Variants in ABCB11 observed in about 807,000 individuals in gnomAD.
ABCB11 encodes bile salt export pump.
ABCB11 carries 95 observed loss-of-function variants against 148.0 expected under a neutral mutation model. The ratio of observed to expected loss-of-function variants is 0.64; its 90% CI spans 0.54 to 0.76. The LOEUF (loss-of-function observed/expected upper bound fraction) is 0.76. Among genes scored for constraint, ABCB11 ranks in the 30% least tolerant of loss-of-function variants. ABCB11 has a pLI of 0.00. For synonymous variants in ABCB11, 591 were observed against 555.4 expected, an observed-to-expected ratio of 1.06 and a Z score of -0.90; for missense variants, 1,523 against 1,617.8, an observed-to-expected ratio of 0.94 and a Z score of 1.01.
intron 5 of ABCB11, among the ~76,000 whole-genome samples, chr2:169,002,190 G>T (rs1041777688): frequency 1.3e-5 from 2 of 151,922 alleles, no homozygotes; most frequent in African/African-American, 4.8e-5. Context: ...AAGATAAAAG[G>T]GTCAATCCAT....
chr2:168,992,727 C>T (rs111230820), intron 8 of ABCB11, among the ~76,000 whole-genome samples: 1 of 152,184 alleles, frequency 6.6e-6, no homozygotes. Flanking sequence ...GTTAGCGGTA[C>T]AGCCAAGTGG....
intron 5 of ABCB11, among the ~76,000 whole-genome samples, chr2:169,001,991 A>T (rs1265782530): frequency 1.3e-5 from 2 of 152,200 alleles, no homozygotes; most frequent in African/African-American, 2.4e-5. Flanking sequence ...CATTAAATAA[A>T]ACAAGATCCA....
intron 5 of ABCB11, among the ~76,000 whole-genome samples, chr2:169,004,566 T>C (rs1316181353): frequency 6.6e-6 from 1 of 152,186 alleles, no homozygotes; most frequent in Admixed American, 6.5e-5. Flanking sequence ...GAATTTTCCT[T>C]TCATATCCTG....
intron 21 of ABCB11, among the ~76,000 whole-genome samples, chr2:168,942,597 ATAAC>A (rs1423234500): frequency 4.0e-5 from 6 of 151,888 alleles, no homozygotes; most frequent in Non-Finnish European, 1.5e-5. Context: ...ACACTTAAAA[ATAAC>A]TAAGAGTGTA....
At chr2:169,012,510 T>C (rs1312021408) in intron 5 of ABCB11, among the ~76,000 whole-genome samples, 1 of 151,952 alleles carries the variant, frequency 6.6e-6, no homozygotes, top group Non-Finnish European at 1.5e-5. Flanking sequence ...TTTGGGAGGC[T>C]GAGGCAGGCA....
In ABCB11 at chr2:168,923,513, CT is replaced by C; in HGVS notation, c.*108del. On this transcript the variant is annotated 3_prime_UTR_variant, in exon 28 of 28. Transcript: ENST00000650372. ...GTAAAAGTAAAATATTAACATTCTT[CT>C]TTAAAGAAAAAACAATCCCAGCAAT... is the stretch of plus-strand genomic sequence containing the variant. 1 of 989,628 alleles carries C rather than the reference CT, an allele frequency of 1.0e-6. No individual in the cohort carries two copies. Among genetic ancestry groups the C allele is most frequent in the Non-Finnish European group, 1.5e-6 (1 of 664,378 alleles). The allele number at this position is 989,628 out of a possible 1,614,324, so 61.3% of individuals were successfully genotyped here.
Position 168,986,181 on chromosome 2 carries a change from C to A in ABCB11, c.1012G>T (p.Ala338Ser), listed in dbSNP as rs376427140. The change falls in exon 10 of 28, where the codon GCA (alanine) becomes TCA (serine). Residue 338 changes from alanine (A) to serine (S), a missense_variant. Physicochemically the swap from Ala to Ser is moderately conservative, Grantham distance 99. Transcript: ENST00000650372. The stretch of plus-strand genomic sequence containing the variant: ...GTGGAGCCGTACCAGAAGGCCAGTG[C>A]ATAACACAAAAAGATGAGACACCAC... ...FVWCLIFLCYALAFWYGSTLV... is the reference protein window; with the variant it reads ...FVWCLIFLCYSLAFWYGSTLV... 3.1e-6 allele frequency: 5 copies of A among 1,613,078 alleles called. No individual in the cohort carries two copies. The African/African-American group carries it at 5.3e-5, about 17-fold the overall frequency.
intron 11 of ABCB11, 52 bp downstream of exon 11, chr2:168,979,814 C>T (rs1694072032): frequency 9.1e-7 from 1 of 1,095,308 alleles, no homozygotes; most frequent in South Asian, 1.5e-5. Context: ...ATTCTGTGCC[C>T]CACCCCCCAG....
At chr2:169,007,790 C>T (rs114627081) in intron 5 of ABCB11, among the ~76,000 whole-genome samples, 1 of 151,998 alleles carries the variant, frequency 6.6e-6, no homozygotes, top group African/African-American at 2.4e-5. Flanking sequence ...TAGACATCAC[C>T]AAAATTAAAC....
At chr2:168,954,856 T>C (rs963527352) in intron 19 of ABCB11, among the ~76,000 whole-genome samples, 7 of 151,740 alleles carry the variant, frequency 4.6e-5, no homozygotes, top group Admixed American at 2.0e-4. Context: ...AGGATACTGA[T>C]AATTCATAAG....
intron 9 of ABCB11, among the ~76,000 whole-genome samples, chr2:168,989,303 A>C (rs1209815430): frequency 6.6e-6 from 1 of 152,110 alleles, no homozygotes; most frequent in African/African-American, 2.4e-5. Flanking sequence ...ATATTTGTGT[A>C]TAGTGTGAGG....
At chr2:168,940,478 A>G (rs1363893017) in intron 21 of ABCB11, among the ~76,000 whole-genome samples, 4 of 152,090 alleles carry the variant, frequency 2.6e-5, no homozygotes, top group South Asian at 2.1e-4. Flanking sequence ...ACTCTCTTCA[A>G]TTCTAGTAAG....
At chr2:168,988,135 GT>G (rs1264044947) in intron 9 of ABCB11, among the ~76,000 whole-genome samples, 1 of 152,042 alleles carries the variant, frequency 6.6e-6, no homozygotes, top group African/African-American at 2.4e-5. Flanking sequence ...ATAAGGAAGG[GT>G]TTCTTTTAGA....
At chr2:168,916,794 A>C (rs1169455104), downstream of ABCB11, among the ~76,000 whole-genome samples, 1 of 152,136 alleles carries the variant, frequency 6.6e-6, no homozygotes, top group Non-Finnish European at 1.5e-5. Flanking sequence ...AAAACAACCA[A>C]ATTCTTAATT....
At chr2:168,997,082 T>C (rs1349888110) in intron 5 of ABCB11, among the ~76,000 whole-genome samples, 2 of 151,976 alleles carry the variant, frequency 1.3e-5, no homozygotes, top group Non-Finnish European at 2.9e-5. Flanking sequence ...CTTTAGTCTC[T>C]TCCATGCATA....
At position 168,993,783 on chromosome 2, in the gene ABCB11, C is replaced by T. The variant is rs765070028; in HGVS notation, c.711G>A (p.Arg237=). The part of the protein sequence containing the change: ...TICGFLLGFF[R]GWKLTLVIIS... ...TAATAACCAAGGTCAGTTTCCAACCCCTGAAAAATCCCAACAGGAAACCAC... is the reference window on the plus strand; with the variant it reads ...TAATAACCAAGGTCAGTTTCCAACCTCTGAAAAATCCCAACAGGAAACCAC... Residue 237 remains arginine, a synonymous_variant, in exon 8 of 28, where the codon AGG becomes AGA. Coordinates refer to ENST00000650372, the MANE Select transcript of ABCB11 (RefSeq NM_003742.4). 9.9e-6 allele frequency: 16 copies of T among 1,610,906 alleles called. No homozygotes were observed. In the Admixed American group the frequency reaches 1.7e-4, roughly 17 times the overall value.
At chr2:168,917,634 C>A (rs1690965079), downstream of ABCB11, among the ~76,000 whole-genome samples, 1 of 152,120 alleles carries the variant, frequency 6.6e-6, no homozygotes, top group Non-Finnish European at 1.5e-5. Context: ...TTTGATTCCC[C>A]AAAGGTCTTT....
At chr2:169,029,745 T>TC in intron 1 of ABCB11, among the ~76,000 whole-genome samples, 1 of 100,134 alleles carries the variant, frequency 1.0e-5, no homozygotes, top group Non-Finnish European at 2.1e-5. Context: ...TTTTTTTTTT[T>TC]TTTTTTTGAG....
chr2:168,998,570 A>G (rs567293400), intron 5 of ABCB11, among the ~76,000 whole-genome samples: 1 of 151,298 alleles, frequency 6.6e-6, no homozygotes, highest in East Asian at 1.9e-4. Context: ...ATAAATATGT[A>G]TACTTATGTG....
Sources: gnomAD v4.1 joint callset for allele counts (sites outside exome capture counted in the v4.1 genomes callset) on GRCh38, gnomAD v4.1.1 for gene constraint, MANE v1.5 for transcripts, NCBI Gene and HGNC (gene_info 2026-07-23, HGNC 2026-07-21) for gene names.